The following GK5 variants were observed in gnomAD, a reference collection of about 807,000 sequenced individuals.
GK5 encodes glycerol kinase 5, also known as ATP:glycerol 3-phosphotransferase 5.
GK5 carries 39 observed loss-of-function variants against 77.3 expected under a neutral mutation model. That is an observed-to-expected ratio of 0.50 (90% confidence interval 0.39 to 0.66). The LOEUF (loss-of-function observed/expected upper bound fraction) is 0.66, where lower values mean the gene tolerates loss of function less well. GK5 is among the 30% of genes least tolerant of loss of function. The pLI, the probability that GK5 is intolerant of heterozygous loss-of-function variation, is 0.00. For synonymous variants in GK5, 211 were observed against 208.0 expected (o/e 1.01, Z -0.13); for missense variants, 487 against 633.8 (o/e 0.77, Z 2.49).
rs2063444123 is a variant in GK5 at position 142,163,703 on chromosome 3, T to G, written c.*1919A>C. Reference sequence around the variant, plus strand: ...ACAAAAAGAATTATTTCCTATGAAATTACACCCATTGGCTGGGTGCAGTGG... The same window carrying G: ...ACAAAAAGAATTATTTCCTATGAAAGTACACCCATTGGCTGGGTGCAGTGG... On this transcript the variant is annotated 3_prime_UTR_variant, in exon 16 of 16. Transcript: ENST00000392993. 6.6e-6 allele frequency: 1 copy of G among 152,102 alleles called. No homozygotes were observed. Among genetic ancestry groups the G allele is most frequent in the African/African-American group, 2.4e-5 (1 of 41,430 alleles). The allele number at this position is 152,102 out of a possible 1,614,324, so 9.4% of individuals were successfully genotyped here. A position where few individuals can be genotyped will look rare whatever the true frequency, so the allele number is the denominator to read the frequency against.
chr3:142,181,716 C>T (rs1379123038), intron 10 of GK5, 151 bp from the exon 11 acceptor site: 5 of 571,098 alleles, frequency 8.8e-6, no homozygotes, highest in Non-Finnish European at 3.0e-6. Context: ...CTTACATTTA[C>T]TAGCTGTAGT....
chr3:142,199,616 A>G (rs2063987799), intron 4 of GK5, among the ~76,000 whole-genome samples: 1 of 152,128 alleles, frequency 6.6e-6, no homozygotes, highest in Non-Finnish European at 1.5e-5. Flanking sequence ...CTATACATTA[A>G]GTACTTAAAA....
At position 142,222,686 on chromosome 3, in the gene GK5, T is replaced by C. The variant is rs550424091; in HGVS notation, c.147+2623A>G. Among the ~76,000 whole-genome samples the C allele has an allele frequency of 7.2e-5, 11 of 152,280 alleles. No individual in the cohort carries two copies. In the East Asian group the frequency reaches 1.2e-3, roughly 16 times the overall value. ...GCTTTAGGAAGCTGAGGCAGGAGGA[T>C]TGCTTGAGCCCAGGAGTTCAAGGTT... On this transcript the variant is annotated intron_variant, in intron 1 of 15. Transcript: ENST00000392993.
rs532837433 is a variant in GK5, at chr3:142,157,534, T to C, written c.*8088A>G. On this transcript the variant is annotated 3_prime_UTR_variant, in exon 16 of 16. Coordinates refer to ENST00000392993, the MANE Select transcript of GK5 (RefSeq NM_001039547.3). The stretch of plus-strand genomic sequence containing the variant: ...AAGCAAATAACAGAGAAACACAATA[T>C]AAAAATGGCTTTAATATACCAACGT... 1 of 152,190 alleles carries C rather than the reference T, an allele frequency of 6.6e-6. No individual in the cohort carries two copies. The highest frequency in any genetic ancestry group is 2.4e-5 in the African/African-American group (1 of 41,458). The allele number at this position is 152,190 out of a possible 1,614,324, so 9.4% of individuals were successfully genotyped here.
chr3:142,187,746 A>C lies in GK5; in HGVS notation c.577T>G (p.Phe193Val). 6.2e-7 allele frequency: 1 copy of C among 1,612,824 alleles called. No homozygotes were observed. Among genetic ancestry groups the C allele is most frequent in the South Asian group, 1.1e-5 (1 of 90,492 alleles). The stretch of plus-strand genomic sequence containing the variant: ...AACAACCAGGTATCAATAGTCCCAA[A>C]GCAGCAATTTTCTTCTTCAACTGCC... ...QKAVEEENCC[F>V]GTIDTWLLYK... The change falls in exon 6 of 16, where the codon TTT (phenylalanine) becomes GTT (valine). Residue 193 changes from phenylalanine to valine, a missense_variant. Transcript: ENST00000392993.
Position 142,208,282 on chromosome 3 carries a change from T to C in GK5, c.318-3494A>G, listed in dbSNP as rs1577143889. On this transcript the variant is annotated intron_variant, in intron 3 of 15. Transcript: ENST00000392993. ...TCATAAACAAATGAAAAAATAAATG[T>C]CCTTTGATATATAAAGTCCAATTTA... 2.0e-5 allele frequency among the ~76,000 whole-genome samples: 3 copies of C among 152,188 alleles called. No individual in the cohort carries two copies. In the East Asian group the frequency reaches 5.8e-4, roughly 29 times the overall value.
Position 142,158,962 on chromosome 3 carries a change from C to T in GK5, c.*6660G>A, listed in dbSNP as rs939936359. 2.6e-5 allele frequency: 4 copies of T among 152,290 alleles called. No individual in the cohort carries two copies. The highest frequency in any genetic ancestry group is 3.4e-3 in the Middle Eastern group (1 of 294). 9.4% of individuals were successfully genotyped at this position (152,290 alleles called of 1,614,324 possible). ...GTGTAAATATGTTCAAAATGCTATA[C>T]ACATTTTGCCTGGAAAGATTTAAAA... On this transcript the variant is annotated 3_prime_UTR_variant, in exon 16 of 16. Coordinates refer to ENST00000392993, the MANE Select transcript of GK5 (RefSeq NM_001039547.3).
intron 1 of GK5, among the ~76,000 whole-genome samples, chr3:142,223,993 G>A (rs1282921192): frequency 6.6e-6 from 1 of 152,146 alleles, no homozygotes; most frequent in Admixed American, 6.5e-5. Context: ...AAGAAGAACG[G>A]GACACTGAGA....
At chr3:142,190,355 C>T (rs1245788759) in intron 5 of GK5, among the ~76,000 whole-genome samples, 2 of 152,136 alleles carry the variant, frequency 1.3e-5, no homozygotes, top group Non-Finnish European at 2.9e-5. Context: ...TCATTACTTA[C>T]ATCCTCACAA....
At chr3:142,198,974 A>C (rs1403718866) in intron 4 of GK5, 41 bp from the exon 5 acceptor site, 4 of 1,482,750 alleles carry the variant, frequency 2.7e-6, no homozygotes, top group Non-Finnish European at 3.7e-6. Flanking sequence ...TGCATTTAGT[A>C]GTGTTTAAAA....
At position 142,158,163 on chromosome 3, in the gene GK5, G is replaced by C. The variant is rs945781683; in HGVS notation, c.*7459C>G. 2.6e-5 allele frequency: 4 copies of C among 152,302 alleles called. No homozygotes were observed. Among genetic ancestry groups the C allele is most frequent in the African/African-American group, 7.2e-5 (3 of 41,428 alleles). The allele number at this position is 152,302 out of a possible 1,614,324, so 9.4% of individuals were successfully genotyped here. A position where few individuals can be genotyped will look rare whatever the true frequency, so the allele number is the denominator to read the frequency against. ...AGACAGGGTTTCACCATGTTAGCCA[G>C]GATGGTCTCGATCTCCTGACCTCGT... On this transcript the variant is annotated 3_prime_UTR_variant, in exon 16 of 16. Transcript: ENST00000392993.
intron 12 of GK5, 53 bp from the exon 13 acceptor site, chr3:142,172,509 G>A (rs576009600): frequency 1.8e-5 from 17 of 954,158 alleles, no homozygotes; most frequent in African/African-American, 6.5e-5. Flanking sequence ...TTACATCTAC[G>A]GACTTGAGGA....
chr3:142,168,336 T>G (rs1432821683), intron 15 of GK5, among the ~76,000 whole-genome samples: 1 of 152,198 alleles, frequency 6.6e-6, no homozygotes, highest in Non-Finnish European at 1.5e-5. Flanking sequence ...GAGTTCAAAT[T>G]TGCAAATGGG....
At chr3:142,173,419 C>A (rs2063565777) in intron 12 of GK5, among the ~76,000 whole-genome samples, 1 of 152,106 alleles carries the variant, frequency 6.6e-6, no homozygotes, top group Non-Finnish European at 1.5e-5. Flanking sequence ...CAGGGTGGCT[C>A]ACACCTGTAA....
chr3:142,185,975 G>T lies in GK5; in HGVS notation c.770C>A (p.Ser257Ter). ...PVRDTSHNFGSVDEEIFGVPI... is the reference protein window; with the variant it reads ...PVRDTSHNFG ...CACACCAAATATCTCTTCATCCACT[G>T]ATCCAAAATTGTGGCTTCAAATAAA... Residue 257 changes from serine (S) to a stop codon, truncating the protein, a stop_gained, in exon 9 of 16, where the codon TCA (serine) becomes TAA (stop). Transcript: ENST00000392993. LOFTEE classifies it high-confidence loss of function. 2 of 1,607,152 alleles carry T rather than the reference G, an allele frequency of 1.2e-6. No homozygotes were observed. The highest frequency in any genetic ancestry group is 2.2e-5 in the South Asian group (2 of 89,786).
At chr3:142,218,054 T>C (rs976454257) in intron 1 of GK5, among the ~76,000 whole-genome samples, 5 of 152,060 alleles carry the variant, frequency 3.3e-5, no homozygotes, top group African/African-American at 1.2e-4. Flanking sequence ...GTAATCAAAA[T>C]AGTATGCTAT....
At chr3:142,173,756 C>G (rs1011363513) in intron 12 of GK5, among the ~76,000 whole-genome samples, 1 of 152,126 alleles carries the variant, frequency 6.6e-6, no homozygotes, top group African/African-American at 2.4e-5. Flanking sequence ...CTTGCAGTCT[C>G]ACAGTCTCAC....
intron 12 of GK5, among the ~76,000 whole-genome samples, chr3:142,174,015 G>A (rs1409953041): frequency 6.6e-6 from 1 of 152,092 alleles, no homozygotes; most frequent in Non-Finnish European, 1.5e-5. Flanking sequence ...TGAGGTCTCT[G>A]TTTTTATGGA....
chr3:142,182,560 G>T (rs2063711793), intron 10 of GK5, among the ~76,000 whole-genome samples: 1 of 152,044 alleles, frequency 6.6e-6, no homozygotes, highest in African/African-American at 2.4e-5. Context: ...TGTTGGCCAG[G>T]CTGGTCTCGA....
Sources: gnomAD v4.1 joint callset for allele counts (sites outside exome capture counted in the v4.1 genomes callset) on GRCh38, gnomAD v4.1.1 for gene constraint, MANE v1.5 for transcripts, NCBI Gene and HGNC (gene_info 2026-07-23, HGNC 2026-07-21) for gene names.